The following PTBP3 variants were observed in gnomAD, a reference collection of about 807,000 sequenced individuals.
PTBP3 encodes polypyrimidine tract-binding protein 3.
A neutral mutation model predicts 58.7 loss-of-function variants in PTBP3; 20 were observed. The ratio of observed to expected loss-of-function variants is 0.34; its 90% CI spans 0.24 to 0.50. PTBP3 has a LOEUF of 0.50. Ranked by LOEUF, PTBP3 falls within the 20% of genes least tolerant of loss-of-function variation. PTBP3 has a pLI of 0.98. For synonymous variants in PTBP3, 185 were observed against 219.8 expected (o/e 0.84, Z 1.40); for missense variants, 509 against 637.2 (o/e 0.80, Z 2.17).
At chr9:112,312,444 C>A (rs917591606) in intron 1 of PTBP3, among the ~76,000 whole-genome samples, 1 of 140,376 alleles carries the variant, frequency 7.1e-6, no homozygotes, top group Non-Finnish European at 1.5e-5. Context: ...CTGCTGTGAT[C>A]TGTGTTCATA....
At chr9:112,321,033 A>C (rs1156462597) in intron 1 of PTBP3, among the ~76,000 whole-genome samples, 1 of 152,222 alleles carries the variant, frequency 6.6e-6, no homozygotes, top group African/African-American at 2.4e-5. Context: ...TCAAAATTAA[A>C]TTCTTCTATT....
chr9:112,351,425 G>A, the PTBP3 span, among the ~76,000 whole-genome samples: 1 of 152,194 alleles, frequency 6.6e-6, no homozygotes, highest in African/African-American at 2.4e-5. Context: ...GACTCATGAT[G>A]GTTAATGTTG....
chr9:112,247,271 TAAA>T (rs879657542), intron 7 of PTBP3, among the ~76,000 whole-genome samples: 4 of 11,598 alleles, frequency 3.4e-4, no homozygotes, highest in East Asian at 0.015. Flanking sequence ...GTTTCAATAA[TAAA>T]TAAATAAATA....
At chr9:112,378,435 G>C in the PTBP3 span, among the ~76,000 whole-genome samples, 2 of 152,196 alleles carry the variant, frequency 1.3e-5, no homozygotes, top group Non-Finnish European at 2.9e-5. Flanking sequence ...AATGGAAATA[G>C]AAGCACACAA....
chr9:112,289,123 A>T (rs1052954393), intron 2 of PTBP3, among the ~76,000 whole-genome samples: 3 of 152,204 alleles, frequency 2.0e-5, no homozygotes, highest in Non-Finnish European at 4.4e-5. Flanking sequence ...TGTAAACAAA[A>T]ATGATACGCG....
the PTBP3 span, among the ~76,000 whole-genome samples, chr9:112,351,729 A>G: frequency 6.6e-6 from 1 of 152,204 alleles, no homozygotes; most frequent in Non-Finnish European, 1.5e-5. Context: ...ATAATTCAAT[A>G]TCATTTCATT....
At chr9:112,238,492 T>C (rs1296816921) in intron 7 of PTBP3, among the ~76,000 whole-genome samples, 1 of 151,990 alleles carries the variant, frequency 6.6e-6, no homozygotes. Context: ...AGGAGAGAAA[T>C]AGTGTTAAGG....
At chr9:112,227,716 G>T in intron 11 of PTBP3, 89 bp from the exon 12 acceptor site, 1 of 1,031,964 alleles carries the variant, frequency 9.7e-7, no homozygotes, top group Non-Finnish European at 1.5e-6. Context: ...TTATTTTTAT[G>T]TAGTTATTTA....
intron 5 of PTBP3, among the ~76,000 whole-genome samples, chr9:112,255,734 T>C (rs1446765965): frequency 6.6e-6 from 1 of 152,180 alleles, no homozygotes; most frequent in Admixed American, 6.5e-5. Flanking sequence ...ACATCAACAA[T>C]ATGTAGTTGC....
intron 1 of PTBP3, among the ~76,000 whole-genome samples, chr9:112,300,965 A>T: frequency 7.3e-6 from 1 of 136,684 alleles, no homozygotes; most frequent in East Asian, 2.1e-4. Context: ...AAAATGGATT[A>T]TCAAAACCAA....
chr9:112,298,135 A>G (rs7870496), intron 1 of PTBP3, among the ~76,000 whole-genome samples: 127,871 of 152,158 alleles, frequency 0.84, 54,027 homozygotes, highest in African/African-American at 0.92. Context: ...AGAAATGGGG[A>G]CATAATCTTT....
chr9:112,314,208 A>G (rs570274803), intron 1 of PTBP3, among the ~76,000 whole-genome samples: 2 of 152,218 alleles, frequency 1.3e-5, no homozygotes, highest in Non-Finnish European at 2.9e-5. Flanking sequence ...GGACAAATGT[A>G]TACCACACAA....
chr9:112,277,002 T>C (rs939631645), intron 2 of PTBP3, among the ~76,000 whole-genome samples: 4 of 152,168 alleles, frequency 2.6e-5, no homozygotes, highest in Admixed American at 1.3e-4. Context: ...TGCCTAAAAA[T>C]ATCATTTCTC....
intron 1 of PTBP3, among the ~76,000 whole-genome samples, chr9:112,319,842 T>C (rs1395624870): frequency 6.6e-6 from 1 of 152,150 alleles, no homozygotes; most frequent in African/African-American, 2.4e-5. Flanking sequence ...TATTACTCAG[T>C]CTTTAAAAAG....
At chr9:112,363,812 T>C in the PTBP3 span, among the ~76,000 whole-genome samples, 5 of 152,176 alleles carry the variant, frequency 3.3e-5, no homozygotes, top group Admixed American at 6.5e-5. Flanking sequence ...CCAGTTGGTA[T>C]GGTAAATTTG....
intron 1 of PTBP3, chr9:112,298,440 C>T: frequency 2.8e-6 from 1 of 357,564 alleles, no homozygotes; most frequent in Middle Eastern, 3.8e-4. Context: ...GTAATTTACT[C>T]TTTTTTTCAG....
At chr9:112,356,581 C>CAAAA in the PTBP3 span, among the ~76,000 whole-genome samples, 6 of 146,004 alleles carry the variant, frequency 4.1e-5, no homozygotes, top group Non-Finnish European at 3.0e-5. Context: ...AGCAACAGAG[C>CAAAA]AAAAAAAAAA....
At chr9:112,264,644 G>A (rs575230121) in intron 4 of PTBP3, among the ~76,000 whole-genome samples, 1 of 152,278 alleles carries the variant, frequency 6.6e-6, no homozygotes, top group African/African-American at 2.4e-5. Context: ...TCTGCAAGTT[G>A]GACGTTAGGT....
the PTBP3 span, among the ~76,000 whole-genome samples, chr9:112,360,173 C>A: frequency 6.6e-6 from 1 of 152,126 alleles, no homozygotes; most frequent in Non-Finnish European, 1.5e-5. Flanking sequence ...CAACTACCAC[C>A]CCTAAAACCC....
Sources: gnomAD v4.1 joint callset for allele counts (sites outside exome capture counted in the v4.1 genomes callset) on GRCh38, gnomAD v4.1.1 for gene constraint, MANE v1.5 for transcripts, NCBI Gene and HGNC (gene_info 2026-07-23, HGNC 2026-07-21) for gene names.